Variants in RYR2 observed in about 807,000 individuals in gnomAD.
RYR2 encodes cardiac muscle ryanodine receptor-calcium release channel.
A neutral mutation model predicts 601.1 loss-of-function variants in RYR2; 227 were observed. The observed-to-expected ratio is 0.38, with a 90% CI of 0.34 to 0.42. The LOEUF (loss-of-function observed/expected upper bound fraction) is 0.42. Among genes scored for constraint, RYR2 ranks in the 10% least tolerant of loss-of-function variants. The pLI is 1.00. For missense variants in RYR2, 4,646 were observed against 6,156.5 expected (o/e 0.75, Z 8.21); for synonymous variants, 2,223 against 2,175.1 (o/e 1.02, Z -0.61).
chr1:237,473,454 T>TTTCTTTCTTTCTTTCTTTCTTTCTTC (rs1478678920), intron 17 of RYR2, among the ~76,000 whole-genome samples: 1 of 149,012 alleles, frequency 6.7e-6, no homozygotes. Context: ...TCTTTCTTTC[T>TTTCTTTCTTTCTTTCTTTCTTTCTTC]TTCTTTCTAT....
At chr1:237,141,536 A>T (rs1673388906) in intron 1 of RYR2, among the ~76,000 whole-genome samples, 1 of 152,182 alleles carries the variant, frequency 6.6e-6, no homozygotes, top group Non-Finnish European at 1.5e-5. Context: ...TGTTAAGAGA[A>T]AAACTGGGGA....
chr1:237,458,293 G>A (rs1445235040), intron 16 of RYR2, among the ~76,000 whole-genome samples: 1 of 152,132 alleles, frequency 6.6e-6, no homozygotes, highest in Non-Finnish European at 1.5e-5. Context: ...GCCGAGCGTG[G>A]TGGCGGGAGC....
chr1:237,813,632 T>C (rs1661481857), intron 100 of RYR2, among the ~76,000 whole-genome samples: 1 of 152,208 alleles, frequency 6.6e-6, no homozygotes, highest in Admixed American at 6.5e-5. Flanking sequence ...ACAACTGCCT[T>C]CACCTGGTTG....
intron 80 of RYR2, among the ~76,000 whole-genome samples, chr1:237,750,710 C>T (rs1692471946): frequency 6.6e-6 from 1 of 151,988 alleles, no homozygotes. Flanking sequence ...AAAATGTCCT[C>T]AACAATTCAG....
rs199548366 is a variant in RYR2, at chr1:237,315,205, T to C, written c.169-15673T>C. On this transcript the variant is annotated intron_variant, in intron 2 of 104. Transcript: ENST00000366574. The stretch of plus-strand genomic sequence containing the variant: ...AAGCCATCCCTTAACTCCAAGCTTC[T>C]ACCTGTATGTGAACGAATTGGGTGT... Among the ~76,000 whole-genome samples the C allele has an allele frequency of 2.0e-5, 3 of 152,188 alleles. No individual in the cohort carries two copies. In the East Asian group the frequency reaches 5.8e-4, roughly 29 times the overall value.
intron 1 of RYR2, among the ~76,000 whole-genome samples, chr1:237,060,600 C>T (rs1460226394): frequency 2.0e-5 from 3 of 152,180 alleles, no homozygotes; most frequent in African/African-American, 7.2e-5. Context: ...GGTTACTACT[C>T]TATGGACTTC....
intron 1 of RYR2, among the ~76,000 whole-genome samples, chr1:237,058,065 A>C (rs1662386593): frequency 6.6e-6 from 1 of 152,204 alleles, no homozygotes; most frequent in African/African-American, 2.4e-5. Context: ...TGAAGCAAGC[A>C]TGTCTCATTA....
intron 17 of RYR2, among the ~76,000 whole-genome samples, chr1:237,486,927 T>C (rs1347701184): frequency 6.6e-6 from 1 of 152,140 alleles, no homozygotes; most frequent in Non-Finnish European, 1.5e-5. Context: ...AAAAGTTACA[T>C]TGATTATTAT....
intron 16 of RYR2, among the ~76,000 whole-genome samples, chr1:237,464,739 A>G (rs921997160): frequency 2.6e-5 from 4 of 152,204 alleles, no homozygotes; most frequent in East Asian, 1.9e-4. Flanking sequence ...AAATGGAATC[A>G]TGCTATCAAT....
rs1182198324 is a variant in RYR2, at chr1:237,819,494, A to G, written c.14590+302A>G. Among the ~76,000 whole-genome samples the G allele has an allele frequency of 6.6e-6, 1 of 152,100 alleles. No homozygotes were observed. The highest frequency in any genetic ancestry group is 1.5e-5 in the Non-Finnish European group (1 of 68,024). On this transcript the variant is annotated intron_variant, in intron 101 of 104. Coordinates refer to ENST00000366574, the MANE Select transcript of RYR2 (RefSeq NM_001035.3). This position sits in a 1 kb window ranked among gnomAD's most constrained non-coding sequence, Gnocchi z 4.0. Reference sequence around the variant, plus strand: ...CAGACTCATGAACCCCAGCTTTACAATCTTGGGTGGGTGAGCCATTTAACC... The same window carrying G: ...CAGACTCATGAACCCCAGCTTTACAGTCTTGGGTGGGTGAGCCATTTAACC...
At position 237,832,995 on chromosome 1, in the gene RYR2, A is replaced by T; in HGVS notation, c.*348A>T. On this transcript the variant is annotated 3_prime_UTR_variant, in exon 105 of 105. Transcript: ENST00000366574. Reference sequence around the variant, plus strand: ...ACCTTCACAGAGACACGTGGCAGCCACACTCACCCAGCCTCTTTATTTCAC... The same window carrying T: ...ACCTTCACAGAGACACGTGGCAGCCTCACTCACCCAGCCTCTTTATTTCAC... 1 of 179,062 alleles carries T rather than the reference A, an allele frequency of 5.6e-6. No homozygotes were observed. The highest frequency in any genetic ancestry group is 1.2e-5 in the Non-Finnish European group (1 of 84,382). The allele number at this position is 179,062 out of a possible 1,614,324, so 11.1% of individuals were successfully genotyped here.
At chr1:237,752,378 G>A (rs1004358721) in intron 80 of RYR2, among the ~76,000 whole-genome samples, 1 of 151,734 alleles carries the variant, frequency 6.6e-6, no homozygotes, top group African/African-American at 2.4e-5. Flanking sequence ...TAGAGCTCCT[G>A]GGCTCAAGCA....
chr1:237,180,688 A>G lies in RYR2; in HGVS notation c.49-89809A>G, dbSNP rs934238762. Among the ~76,000 whole-genome samples the G allele has an allele frequency of 6.5e-5, 4 of 61,258 alleles. No individual in the cohort carries two copies. The highest frequency in any genetic ancestry group is 5.1e-4 in the South Asian group (1 of 1,946). 40.2% of individuals were successfully genotyped at this position (61,258 alleles called of 152,430 possible). The stretch of plus-strand genomic sequence containing the variant: ...TATACATGTGTATATATGTGTATAT[A>G]TGTATATATAAGTATATATACACAT... On this transcript the variant is annotated intron_variant, in intron 1 of 104. Coordinates refer to ENST00000366574, the MANE Select transcript of RYR2 (RefSeq NM_001035.3). This position sits in a 1 kb window ranked among gnomAD's most constrained non-coding sequence, Gnocchi z 5.3.
intron 71 of RYR2, among the ~76,000 whole-genome samples, chr1:237,715,457 C>G (rs906951166): frequency 1.3e-5 from 2 of 152,150 alleles, no homozygotes; most frequent in Non-Finnish European, 2.9e-5. Flanking sequence ...GGGTGGAAAG[C>G]AAAATTATTG....
intron 100 of RYR2, among the ~76,000 whole-genome samples, chr1:237,815,445 G>A (rs1331727524): frequency 2.0e-5 from 3 of 152,078 alleles, no homozygotes; most frequent in Admixed American, 1.3e-4. Context: ...GATGAAGCTG[G>A]GAAAACCAGT....
chr1:237,355,079 C>T (rs578248290), intron 3 of RYR2, among the ~76,000 whole-genome samples: 15 of 152,224 alleles, frequency 9.9e-5, no homozygotes, highest in African/African-American at 3.6e-4. Context: ...GCCTAAGTAG[C>T]ATTAGCTTCT....
intron 2 of RYR2, among the ~76,000 whole-genome samples, chr1:237,286,492 T>C (rs1691571673): frequency 1.0e-5 from 1 of 95,946 alleles, no homozygotes; most frequent in Non-Finnish European, 2.2e-5. Context: ...ATGCAGTTGT[T>C]GGATGAAATG....
At chr1:237,617,926 T>C (rs1378030442) in intron 38 of RYR2, among the ~76,000 whole-genome samples, 1 of 152,122 alleles carries the variant, frequency 6.6e-6, no homozygotes, top group Non-Finnish European at 1.5e-5. Flanking sequence ...TTCCTTTCAT[T>C]GCTTACCCCC....
chr1:237,353,212 A>G (rs1041254816), intron 3 of RYR2, among the ~76,000 whole-genome samples: 2 of 152,058 alleles, frequency 1.3e-5, no homozygotes, highest in African/African-American at 2.4e-5. Flanking sequence ...ACTTTTTTTA[A>G]AAAAGTTTAT....
Sources: gnomAD v4.1 joint callset for allele counts (sites outside exome capture counted in the v4.1 genomes callset) on GRCh38, gnomAD v4.1.1 for gene constraint, Gnocchi (gnomAD v3.1) non-coding constraint, MANE v1.5 for transcripts, NCBI Gene and HGNC (gene_info 2026-07-23, HGNC 2026-07-21) for gene names.